The following SDC1 variants were observed in gnomAD, a reference collection of about 807,000 sequenced individuals.
SDC1 encodes syndecan 1, also known as syndecan-1.
A neutral mutation model predicts 29.7 loss-of-function variants in SDC1; 14 were observed. The observed-to-expected ratio is 0.47, with a 90% confidence interval of 0.31 to 0.74. SDC1 has a LOEUF of 0.74. Ranked by LOEUF, SDC1 falls within the 30% of genes least tolerant of loss-of-function variation. The probability of loss-of-function intolerance (pLI) is 0.05; values close to 1 mark genes in which losing one functional copy is unlikely to be tolerated. For missense variants in SDC1, 406 were observed against 400.3 expected, an observed-to-expected ratio of 1.01 and a Z score of -0.12; for synonymous variants, 204 against 175.5, an observed-to-expected ratio of 1.16 and a Z score of -1.29.
In SDC1 at chr2:20,204,044, C is replaced by T. The variant is rs147368071; in HGVS notation, c.396G>A (p.Pro132=). ...TPRPRETTQL[P]TTHLASTTTA... is the part of the protein sequence containing the mutation. ...TGGTCGTTGAGGCCAGATGAGTGGT[C>T]GGGAGCTGTGTGGTCTCCCTGGGTC... Residue 132 remains proline, a synonymous_variant, in exon 3 of 5, where the codon CCG becomes CCA. Coordinates refer to ENST00000254351, the MANE Select transcript of SDC1 (RefSeq NM_002997.5). The T allele has an allele frequency of 3.2e-5, 51 of 1,612,072 alleles. No homozygotes were observed. Among genetic ancestry groups the T allele is most frequent in the Non-Finnish European group, 4.2e-5 (50 of 1,179,314 alleles).
chr2:20,222,842 G>A (rs1677863578), intron 1 of SDC1, among the ~76,000 whole-genome samples: 1 of 152,180 alleles, frequency 6.6e-6, no homozygotes, highest in African/African-American at 2.4e-5. Flanking sequence ...GGAACCAGCA[G>A]CCCTCCTAAA....
chr2:20,201,386 G>A lies in SDC1; in HGVS notation c.*1380C>T, dbSNP rs935312000. 16 of 152,368 alleles carry A rather than the reference G, an allele frequency of 1.1e-4. No individual in the cohort carries two copies. The highest frequency in any genetic ancestry group is 3.9e-4 in the African/African-American group (16 of 41,456). 9.4% of individuals were successfully genotyped at this position (152,368 alleles called of 1,614,324 possible). On this transcript the variant is annotated 3_prime_UTR_variant, in exon 5 of 5. Transcript: ENST00000254351. ...AATCCCTCCCCATGGGAAAGACGAAGGCACAGAGATTCGAGCCAAGTTTCC... is the reference window on the plus strand; with the variant it reads ...AATCCCTCCCCATGGGAAAGACGAAAGCACAGAGATTCGAGCCAAGTTTCC...
intron 1 of SDC1, among the ~76,000 whole-genome samples, chr2:20,213,406 G>A (rs541259066): frequency 5.3e-5 from 8 of 152,362 alleles, no homozygotes; most frequent in Admixed American, 1.3e-4. Flanking sequence ...CAAGGGATCT[G>A]TCTCCCAAGA....
chr2:20,223,959 G>A (rs989967415), intron 1 of SDC1, among the ~76,000 whole-genome samples: 2 of 152,110 alleles, frequency 1.3e-5, no homozygotes, highest in Non-Finnish European at 2.9e-5. Flanking sequence ...GGCGGGCCAA[G>A]GGACCCGCCT....
Position 20,202,718 on chromosome 2 carries a change from G to A in SDC1, c.*48C>T, listed in dbSNP as rs773975168. 2 of 1,529,092 alleles carry A rather than the reference G, an allele frequency of 1.3e-6. No individual in the cohort carries two copies. Among genetic ancestry groups the A allele is most frequent in the Non-Finnish European group, 1.8e-6 (2 of 1,132,410 alleles). 94.7% of individuals were successfully genotyped at this position (1,529,092 alleles called of 1,614,324 possible). The stretch of plus-strand genomic sequence containing the variant: ...CTGCAGTTCTTCAAGGAAGAGGCAA[G>A]TGGGGGCCTAGTGAGTGGCAGGGCG... On this transcript the variant is annotated 3_prime_UTR_variant, in exon 5 of 5. Transcript: ENST00000254351.
intron 1 of SDC1, chr2:20,208,191 G>A (rs928421843): frequency 1.7e-5 from 15 of 895,116 alleles, no homozygotes; most frequent in East Asian, 1.2e-4. Flanking sequence ...GGGAGACACC[G>A]CCCAGTGAGA....
At chr2:20,222,129 A>G (rs1677842032) in intron 1 of SDC1, among the ~76,000 whole-genome samples, 2 of 152,150 alleles carry the variant, frequency 1.3e-5, no homozygotes, top group African/African-American at 4.8e-5. Context: ...AGAGAGAGAG[A>G]AACCTTTTTA....
chr2:20,221,293 A>G (rs1677806418), intron 1 of SDC1, among the ~76,000 whole-genome samples: 1 of 152,210 alleles, frequency 6.6e-6, no homozygotes, highest in African/African-American at 2.4e-5. Flanking sequence ...GAAAAGTAAC[A>G]AATTAGAACT....
chr2:20,208,212 C>T (rs1677343858), intron 1 of SDC1: 1 of 669,372 alleles, frequency 1.5e-6, no homozygotes, highest in Non-Finnish European at 1.8e-6. Flanking sequence ...CCCAGGAACG[C>T]CAGGGAGGCC....
chr2:20,216,495 C>A (rs1467735880), intron 1 of SDC1, among the ~76,000 whole-genome samples: 1 of 152,208 alleles, frequency 6.6e-6, no homozygotes, highest in Non-Finnish European at 1.5e-5. Flanking sequence ...TCGGGCCCTG[C>A]AAGCCCAAAC....
intron 1 of SDC1, among the ~76,000 whole-genome samples, chr2:20,209,909 G>A (rs752196557): frequency 2.0e-4 from 30 of 152,246 alleles, no homozygotes; most frequent in Admixed American, 1.4e-3. Flanking sequence ...TCGCTAACCC[G>A]AGAGGTTGCC....
At chr2:20,221,415 G>A (rs1455500778) in intron 1 of SDC1, among the ~76,000 whole-genome samples, 1 of 152,206 alleles carries the variant, frequency 6.6e-6, no homozygotes, top group African/African-American at 2.4e-5. Flanking sequence ...GCACCAGGCA[G>A]AGGGGCAAAG....
rs555468690 is a variant in SDC1 at position 20,213,328 on chromosome 2, G to A, written c.67-7904C>T. ...GGCAGGGCAAGGTTTCATCCAGGCA[G>A]GCGATGAGCAAAGCAACCCAACCCA... On this transcript the variant is annotated intron_variant, in intron 1 of 4. Coordinates refer to ENST00000254351, the MANE Select transcript of SDC1 (RefSeq NM_002997.5). 3.3e-5 allele frequency among the ~76,000 whole-genome samples: 5 copies of A among 152,350 alleles called. No individual in the cohort carries two copies. The South Asian group carries it at 1.0e-3, about 32-fold the overall frequency.
In SDC1 at chr2:20,202,729, G is replaced by A; in HGVS notation, c.*37C>T. On this transcript the variant is annotated 3_prime_UTR_variant, in exon 5 of 5. Transcript: ENST00000254351. ...CAAGGAAGAGGCAAGTGGGGGCCTAGTGAGTGGCAGGGCGGAGGGGGCGCA... is the reference window on the plus strand; with the variant it reads ...CAAGGAAGAGGCAAGTGGGGGCCTAATGAGTGGCAGGGCGGAGGGGGCGCA... 1 of 1,552,402 alleles carries A rather than the reference G, an allele frequency of 6.4e-7. No individual in the cohort carries two copies. The highest frequency in any genetic ancestry group is 8.7e-7 in the Non-Finnish European group (1 of 1,146,884).
chr2:20,221,369 G>A (rs1677808992), intron 1 of SDC1, among the ~76,000 whole-genome samples: 1 of 152,150 alleles, frequency 6.6e-6, no homozygotes, highest in South Asian at 2.1e-4. Flanking sequence ...TCTGGAAAAA[G>A]GAGAAAGACC....
intron 1 of SDC1, among the ~76,000 whole-genome samples, chr2:20,212,466 G>A (rs3771243): frequency 0.39 from 59,244 of 152,064 alleles, 11,848 homozygotes; most frequent in Middle Eastern, 0.46. Flanking sequence ...GCTGGTTTCC[G>A]AACTCAGGAG....
chr2:20,208,171 T>C (rs1572464348), intron 1 of SDC1: 4 of 962,450 alleles, frequency 4.2e-6, no homozygotes, highest in Non-Finnish European at 4.9e-6. Context: ...CTGGGGCCCA[T>C]GTACAACCTG....
Position 20,204,044 on chromosome 2 carries a change from C to G in SDC1, c.396G>C (p.Pro132=), listed in dbSNP as rs147368071. Residue 132 remains proline, a synonymous_variant, in exon 3 of 5, where the codon CCG becomes CCC. Coordinates refer to ENST00000254351, the MANE Select transcript of SDC1 (RefSeq NM_002997.5). The part of the protein sequence containing the change: ...TPRPRETTQL[P]TTHLASTTTA... The stretch of plus-strand genomic sequence containing the variant: ...TGGTCGTTGAGGCCAGATGAGTGGT[C>G]GGGAGCTGTGTGGTCTCCCTGGGTC... 1.9e-6 allele frequency: 3 copies of G among 1,612,190 alleles called. No homozygotes were observed. The highest frequency in any genetic ancestry group is 2.5e-6 in the Non-Finnish European group (3 of 1,179,306).
chr2:20,203,876 G>T lies in SDC1; in HGVS notation c.564C>A (p.Thr188=), dbSNP rs372249144. The stretch of plus-strand genomic sequence containing the variant: ...AGGCTCCATCCTCAGCAGCCCTCTC[G>T]GTGGCAGAAGGACCTCCATCCTCTG... ...PHTEDGGPSA[T]ERAAEDGASS... The change falls in exon 3 of 5, where the codon ACC becomes ACA. Residue 188 remains threonine (T), a synonymous_variant. Transcript: ENST00000254351. 1.9e-6 allele frequency: 3 copies of T among 1,611,682 alleles called. No individual in the cohort carries two copies. Among genetic ancestry groups the T allele is most frequent in the Non-Finnish European group, 2.5e-6 (3 of 1,179,268 alleles).
Sources: allele counts gnomAD v4.1 joint callset (sites outside exome capture counted in the v4.1 genomes callset), GRCh38; gene constraint gnomAD v4.1.1; transcripts MANE v1.5; gene names NCBI Gene and HGNC (gene_info 2026-07-23, HGNC 2026-07-21).